The following ABCA10 variants were observed in gnomAD, a reference collection of about 807,000 sequenced individuals.
The protein encoded by ABCA10 is ATP-binding cassette sub-family A member 10.
Under a neutral mutation model 187.5 loss-of-function variants are expected in ABCA10, and 169 were observed. The ratio of observed to expected loss-of-function variants is 0.90; its 90% confidence interval spans 0.80 to 1.02. The LOEUF is 1.02. Among genes scored for constraint, ABCA10 ranks in the 50% least tolerant of loss-of-function variants. ABCA10 has a pLI of 0.00. For missense variants in ABCA10, 1,727 were observed against 1,812.4 expected (o/e 0.95, Z 0.86); for synonymous variants, 574 against 601.8 (o/e 0.95, Z 0.68).
At chr17:69,238,494 T>C (rs911592359) in intron 1 of ABCA10, among the ~76,000 whole-genome samples, 17 of 152,166 alleles carry the variant, frequency 1.1e-4, no homozygotes, top group African/African-American at 3.6e-4. Context: ...TACAGACTAG[T>C]GGATTCTCTA....
chr17:69,199,244 T>A lies in ABCA10; in HGVS notation c.1176-2122A>T, dbSNP rs147042840. 6.2e-5 allele frequency among the ~76,000 whole-genome samples: 8 copies of A among 129,190 alleles called. No individual in the cohort carries two copies. The East Asian group carries it at 1.6e-3, about 27-fold the overall frequency. 84.8% of individuals were successfully genotyped at this position (129,190 alleles called of 152,430 possible). A position where few individuals can be genotyped will look rare whatever the true frequency, so the allele number is the denominator to read the frequency against. ...GATGATCCTTCTTTATTTCTTTTAATTCTCTGTGTTCAGCTCTACTACTTA... is the reference window on the plus strand; with the variant it reads ...GATGATCCTTCTTTATTTCTTTTAAATCTCTGTGTTCAGCTCTACTACTTA... On this transcript the variant is annotated intron_variant, in intron 10 of 38. Transcript: ENST00000690296.
intron 25 of ABCA10, among the ~76,000 whole-genome samples, chr17:69,171,079 T>C (rs2074294504): frequency 6.6e-6 from 1 of 152,196 alleles, no homozygotes. Context: ...AAAACATCCC[T>C]AATACAGAGT....
chr17:69,192,685 T>G, intron 15 of ABCA10, 32 bp from the exon 16 acceptor site: 1 of 1,538,490 alleles, frequency 6.5e-7, no homozygotes, highest in Non-Finnish European at 9.0e-7. Flanking sequence ...AAAAATTATG[T>G]GAAGAGTAAT....
chr17:69,179,391 C>T (rs1166973936), intron 22 of ABCA10, among the ~76,000 whole-genome samples: 1 of 152,176 alleles, frequency 6.6e-6, no homozygotes, highest in African/African-American at 2.4e-5. Context: ...AGAAACTAAA[C>T]TCAGGTAACT....
At position 69,223,225 on chromosome 17, in the gene ABCA10, C is replaced by G. The variant is rs114508287; in HGVS notation, c.35-528G>C. ...GGAAAAATATTTAAAGTAAGCAATA[C>G]AAATACTCAGAATTTGGTGTTTTCT... is the stretch of plus-strand genomic sequence containing the variant. On this transcript the variant is annotated intron_variant, in intron 3 of 38. Coordinates refer to ENST00000690296, the MANE Select transcript of ABCA10 (RefSeq NM_001377321.1). Among the ~76,000 whole-genome samples the G allele has an allele frequency of 4.9e-3, 742 of 152,142 alleles. 8 individuals are homozygous for G. The highest frequency in any genetic ancestry group is 0.017 in the African/African-American group (686 of 41,498).
At chr17:69,162,358 G>A (rs1364916038) in intron 27 of ABCA10, among the ~76,000 whole-genome samples, 1 of 152,200 alleles carries the variant, frequency 6.6e-6, no homozygotes, top group Non-Finnish European at 1.5e-5. Flanking sequence ...CAAAGGTCAT[G>A]GGCAACAGTT....
chr17:69,210,836 TATTTATGCCAC>T (rs1197732064), intron 9 of ABCA10, among the ~76,000 whole-genome samples: 1 of 15,312 alleles, frequency 6.5e-5, no homozygotes, highest in East Asian at 5.7e-4. Flanking sequence ...ATATGCCACA[TATTTATGCCAC>T]ATATATATAT....
chr17:69,155,824 G>C lies in ABCA10; in HGVS notation c.3557C>G (p.Thr1186Ser), dbSNP rs78558743. The C allele has an allele frequency of 1.7e-3, 2,780 of 1,613,696 alleles. 29 individuals carry two copies. The African/African-American group carries it at 0.031, about 18-fold the overall frequency. The change falls in exon 29 of 39, where the codon ACT becomes AGT. Residue 1186 changes from threonine to serine, a missense_variant. Thr to Ser is a moderately conservative substitution (Grantham distance 58, BLOSUM62 1). Transcript: ENST00000690296. ...GTTCACCTCCTCCAAGTTTGGAGCA[G>C]TGAGTGCATTTGCTGCTTGGACTCT... ...AERVQAANAL[T>S]APNLEEEPVI...
Position 69,221,772 on chromosome 17 carries a change from C to G in ABCA10, c.303+20G>C. The G allele has an allele frequency of 1.3e-6, 2 of 1,580,260 alleles. No homozygotes were observed. Among genetic ancestry groups the G allele is most frequent in the South Asian group, 1.1e-5 (1 of 88,514 alleles). On this transcript the variant is annotated intron_variant, in intron 5 of 38. Coordinates refer to ENST00000690296, the MANE Select transcript of ABCA10 (RefSeq NM_001377321.1). Reference sequence around the variant, plus strand: ...GGAAGAATACAGATTTAAAATATAGCTTTGAAGTTAGGCACTTACTTCTAT... The same window carrying G: ...GGAAGAATACAGATTTAAAATATAGGTTTGAAGTTAGGCACTTACTTCTAT...
intron 36 of ABCA10, among the ~76,000 whole-genome samples, chr17:69,151,272 C>T (rs1192635884): frequency 6.6e-6 from 1 of 152,166 alleles, no homozygotes; most frequent in Admixed American, 6.5e-5. Context: ...CACTCTTCAG[C>T]TGACCAAACC....
intron 27 of ABCA10, among the ~76,000 whole-genome samples, chr17:69,162,846 T>TACATATACATATACATATACATATAC (rs1568051566): frequency 3.9e-4 from 59 of 149,980 alleles, no homozygotes; most frequent in African/African-American, 8.1e-4. Flanking sequence ...TACATATATA[T>TACATATACATATACATATACATATAC]ATATATATAT....
rs960427326 is a variant in ABCA10 at position 69,148,669 on chromosome 17, C to T, written c.*158G>A. The T allele has an allele frequency of 3.2e-4, 206 of 636,318 alleles. No homozygotes were observed. Among genetic ancestry groups the T allele is most frequent in the Middle Eastern group, 8.8e-4 (2 of 2,266 alleles). 39.4% of individuals were successfully genotyped at this position (636,318 alleles called of 1,614,324 possible). The stretch of plus-strand genomic sequence containing the variant: ...ACTTTTCCCTATATTTCCTTGTTTC[C>T]TTCATCCTAAATTTTTAAAAATGAA... On this transcript the variant is annotated 3_prime_UTR_variant, in exon 39 of 39. Coordinates refer to ENST00000690296, the MANE Select transcript of ABCA10 (RefSeq NM_001377321.1).
intron 14 of ABCA10, 44 bp from the exon 15 acceptor site, chr17:69,193,292 G>C (rs762184503): frequency 1.9e-6 from 3 of 1,596,014 alleles, no homozygotes; most frequent in Non-Finnish European, 2.6e-6. Context: ...TCTTCACAGT[G>C]AGGATCTTCA....
intron 23 of ABCA10, 30 bp downstream of exon 23, chr17:69,175,376 T>C (rs1277391848): frequency 6.4e-7 from 1 of 1,565,358 alleles, no homozygotes; most frequent in Non-Finnish European, 8.7e-7. Flanking sequence ...AAAATCAATC[T>C]CAATCTAATT....
chr17:69,239,500 T>G (rs543062484), intron 1 of ABCA10, among the ~76,000 whole-genome samples: 124 of 152,248 alleles, frequency 8.1e-4, no homozygotes, highest in African/African-American at 2.9e-3. Flanking sequence ...TCTCAGACTG[T>G]TATTTAAATG....
At chr17:69,224,891 T>A (rs145586561) in intron 3 of ABCA10, among the ~76,000 whole-genome samples, 8 of 152,284 alleles carry the variant, frequency 5.3e-5, no homozygotes, top group Non-Finnish European at 1.2e-4. Context: ...TGATTTATAA[T>A]TCCTATATAC....
chr17:69,182,718 T>G lies in ABCA10; in HGVS notation c.2588A>C (p.Asp863Ala), dbSNP rs142664279. Residue 863 changes from aspartate to alanine, a missense_variant, in exon 21 of 39, where the codon GAT (aspartate) becomes GCT (alanine). By Grantham distance (126) the Asp-to-Ala change is moderately radical. Coordinates refer to ENST00000690296, the MANE Select transcript of ABCA10 (RefSeq NM_001377321.1). Reference protein sequence around the residue: ...DDFRNRNGSDDPSYNGAIIVS... With the variant: ...DDFRNRNGSDAPSYNGAIIVS... ...TATGATGGCTCCATTGTAGGAGGGA[T>G]CATCTGAGCCATTTCTGTTTCTAAA... The G allele has an allele frequency of 3.3e-4, 538 of 1,611,802 alleles. 1 individual carries two copies. The highest frequency in any genetic ancestry group is 4.3e-4 in the Non-Finnish European group (506 of 1,179,386).
At chr17:69,177,971 A>ATATATATATATATATATATGTTATAT (rs1480621345) in intron 22 of ABCA10, among the ~76,000 whole-genome samples, 5 of 56,966 alleles carry the variant, frequency 8.8e-5, no homozygotes, top group Non-Finnish European at 1.7e-4. Flanking sequence ...AAAAAAAAAA[A>ATATATATATATATATATATGTTATAT]AAATATATAT....
intron 27 of ABCA10, among the ~76,000 whole-genome samples, chr17:69,162,862 G>A (rs146418775): frequency 0.015 from 656 of 43,510 alleles, 5 homozygotes; most frequent in African/African-American, 0.053. Context: ...TATATGAGAC[G>A]GAGTCTCTCT....
Sources: gnomAD v4.1 joint callset for allele counts (sites outside exome capture counted in the v4.1 genomes callset) on GRCh38, gnomAD v4.1.1 for gene constraint, MANE v1.5 for transcripts, NCBI Gene and HGNC (gene_info 2026-07-23, HGNC 2026-07-21) for gene names.